The following LARGE1 variants were observed in gnomAD, a reference collection of about 807,000 sequenced individuals.
LARGE1 encodes LARGE xylosyl- and glucuronyltransferase 1.
A neutral mutation model predicts 87.6 loss-of-function variants in LARGE1; 43 were observed. The ratio of observed to expected loss-of-function variants is 0.49; its 90% confidence interval spans 0.38 to 0.63. LARGE1 has a LOEUF of 0.63. Ranked by LOEUF, LARGE1 falls within the 30% of genes least tolerant of loss-of-function variation. LARGE1 has a pLI of 0.00. For missense variants in LARGE1, 802 were observed against 1,000.2 expected (o/e 0.80, Z 2.67); for synonymous variants, 434 against 394.6 (o/e 1.10, Z -1.18).
In LARGE1 at chr22:33,598,115, A is replaced by G. The variant is rs116949980; in HGVS notation, c.615+6320T>C. Among the ~76,000 whole-genome samples the G allele has an allele frequency of 7.3e-3, 1,108 of 152,280 alleles. 8 individuals are homozygous for G. Among genetic ancestry groups the G allele is most frequent in the Non-Finnish European group, 0.01 (710 of 68,010 alleles). Reference sequence around the variant, plus strand: ...CTCAGAGAGTCCTTGTCTAGACACAATGACAGTAACTTAGCTGAAATAAGC... The same window carrying G: ...CTCAGAGAGTCCTTGTCTAGACACAGTGACAGTAACTTAGCTGAAATAAGC... On this transcript the variant is annotated intron_variant, in intron 5 of 14. Coordinates refer to ENST00000397394, the MANE Select transcript of LARGE1 (RefSeq NM_133642.5).
chr22:33,332,348 A>G (rs545038377), intron 10 of LARGE1, among the ~76,000 whole-genome samples: 177 of 152,278 alleles, frequency 1.2e-3, no homozygotes, highest in African/African-American at 4.1e-3. Flanking sequence ...GCCACTGTGT[A>G]AGACGTCCCT....
the LARGE1 span, among the ~76,000 whole-genome samples, chr22:33,125,411 T>C: frequency 3.9e-5 from 6 of 152,170 alleles, no homozygotes; most frequent in Non-Finnish European, 7.4e-5. Flanking sequence ...GTGCACTGTA[T>C]TGAGGCTGTG....
intron 6 of LARGE1, among the ~76,000 whole-genome samples, chr22:33,447,826 A>G (rs921183267): frequency 6.7e-4 from 102 of 152,246 alleles, no homozygotes; most frequent in African/African-American, 2.3e-3. Context: ...GGAAGGGCTC[A>G]GCTAAGTATA....
At chr22:33,083,667 C>A in the LARGE1 span, among the ~76,000 whole-genome samples, 1 of 152,140 alleles carries the variant, frequency 6.6e-6, no homozygotes, top group African/African-American at 2.4e-5. Context: ...CTAAATTAAT[C>A]AGCTTTGTGA....
chr22:33,167,090 A>T (rs1922316840), intron 11 of LARGE1, among the ~76,000 whole-genome samples: 1 of 152,176 alleles, frequency 6.6e-6, no homozygotes, highest in East Asian at 1.9e-4. Flanking sequence ...TTGGTCAACA[A>T]CTTCTTATTG....
chr22:33,818,685 A>C (rs1263762255), intron 1 of LARGE1, among the ~76,000 whole-genome samples: 1 of 152,272 alleles, frequency 6.6e-6, no homozygotes, highest in African/African-American at 2.4e-5. Context: ...TTCATGGACC[A>C]GAAGAAATGA....
chr22:33,432,412 T>C, intron 6 of LARGE1, 147 bp from the exon 7 acceptor site: 1 of 684,328 alleles, frequency 1.5e-6, no homozygotes, highest in Non-Finnish European at 2.6e-6. Flanking sequence ...GCCTCTGACC[T>C]AACAGCTTAA....
chr22:33,383,631 G>A (rs756523343), intron 8 of LARGE1, among the ~76,000 whole-genome samples: 2 of 152,208 alleles, frequency 1.3e-5, no homozygotes, highest in African/African-American at 4.8e-5. Context: ...TTCTGAGGCT[G>A]CCTGCATAGC....
At chr22:33,691,677 T>C (rs1179517084) in intron 2 of LARGE1, among the ~76,000 whole-genome samples, 1 of 152,232 alleles carries the variant, frequency 6.6e-6, no homozygotes, top group Non-Finnish European at 1.5e-5. Flanking sequence ...CCATCATGGC[T>C]GATTTCTAAT....
chr22:33,746,713 G>A (rs1488889054), intron 2 of LARGE1, among the ~76,000 whole-genome samples: 1 of 152,192 alleles, frequency 6.6e-6, no homozygotes, highest in Non-Finnish European at 1.5e-5. Context: ...CACTTGGTGT[G>A]AAAACTAAGA....
At chr22:33,359,615 G>A (rs1007389547) in intron 9 of LARGE1, among the ~76,000 whole-genome samples, 2 of 146,648 alleles carry the variant, frequency 1.4e-5, no homozygotes, top group African/African-American at 5.1e-5. Flanking sequence ...CAAGGCTGGA[G>A]CTCAGTGGCG....
chr22:33,326,631 G>A (rs1036154446), intron 10 of LARGE1, among the ~76,000 whole-genome samples: 11 of 152,184 alleles, frequency 7.2e-5, no homozygotes, highest in Admixed American at 6.5e-5. Flanking sequence ...TTTCACATGA[G>A]GCAGCCTCAT....
chr22:33,911,559 C>T lies in LARGE1; in HGVS notation c.-83+8436G>A, dbSNP rs545238279. Among the ~76,000 whole-genome samples the T allele has an allele frequency of 2.0e-5, 3 of 152,296 alleles. No individual in the cohort carries two copies. The East Asian group carries it at 5.8e-4, about 29-fold the overall frequency. On this transcript the variant is annotated intron_variant, in intron 1 of 14. Coordinates refer to ENST00000397394, the MANE Select transcript of LARGE1 (RefSeq NM_133642.5). ...GTCTACACCTAAGTCATTTCATAAT[C>T]ATCGTCATCCATGCTGGACAACAAC...
intron 11 of LARGE1, among the ~76,000 whole-genome samples, chr22:33,246,102 T>C (rs1326498289): frequency 6.6e-6 from 1 of 152,204 alleles, no homozygotes; most frequent in Non-Finnish European, 1.5e-5. Flanking sequence ...TAAAATAAAA[T>C]AGCAACCTCT....
intron 12 of LARGE1, among the ~76,000 whole-genome samples, chr22:33,287,685 GA>G (rs1255679817): frequency 2.0e-5 from 3 of 152,170 alleles, no homozygotes; most frequent in African/African-American, 7.2e-5. Flanking sequence ...TAGTTCTCTG[GA>G]AAGTGAGTCC....
intron 1 of LARGE1, among the ~76,000 whole-genome samples, chr22:33,778,633 T>G (rs2085322757): frequency 6.6e-6 from 1 of 152,120 alleles, no homozygotes; most frequent in African/African-American, 2.4e-5. Context: ...TTATCCATGT[T>G]GCAGCACATG....
intron 2 of LARGE1, chr22:33,725,491 T>G (rs1480899465): frequency 6.6e-6 from 1 of 152,350 alleles, no homozygotes; most frequent in Non-Finnish European, 1.5e-5. Flanking sequence ...CTGTCACCAC[T>G]GCTGCATTCA....
chr22:33,307,675 T>C (rs1326789732), intron 11 of LARGE1, among the ~76,000 whole-genome samples: 1 of 152,018 alleles, frequency 6.6e-6, no homozygotes, highest in Non-Finnish European at 1.5e-5. Context: ...TTTATTCTAG[T>C]GGGGAAAAAA....
rs1212295324 is a variant in LARGE1 at position 33,385,525 on chromosome 22, C to T, written c.893-1221G>A. 7.9e-5 allele frequency among the ~76,000 whole-genome samples: 4 copies of T among 50,938 alleles called. No homozygotes were observed. In the Admixed American group the frequency reaches 1.1e-3, roughly 14 times the overall value. The allele number at this position is 50,938 out of a possible 152,430, so 33.4% of individuals were successfully genotyped here. ...CCTGGACGACAGCGCAGGACACCGT[C>T]TCAAAAAAAAAAAAAAAAAAAAAAA... On this transcript the variant is annotated intron_variant, in intron 7 of 14. Transcript: ENST00000397394.
Sources: gnomAD v4.1 joint callset for allele counts (sites outside exome capture counted in the v4.1 genomes callset) on GRCh38, gnomAD v4.1.1 for gene constraint, MANE v1.5 for transcripts, NCBI Gene and HGNC (gene_info 2026-07-23, HGNC 2026-07-21) for gene names.